SUPT3H: variants seen among roughly 807,000 people sequenced by gnomAD.
SUPT3H encodes transcription initiation protein SPT3 homolog.
SUPT3H carries 44 observed loss-of-function variants against 44.3 expected under a neutral mutation model. The ratio of observed to expected loss-of-function variants is 0.99; its 90% confidence interval spans 0.78 to 1.28. The LOEUF is 1.28. Ranked by LOEUF, SUPT3H falls within the 50% of genes most tolerant of loss-of-function variation. SUPT3H has a pLI of 0.00. For missense variants in SUPT3H, 380 were observed against 387.1 expected (o/e 0.98, Z 0.15); for synonymous variants, 124 against 125.6 (o/e 0.99, Z 0.09).
chr6:45,025,882 CAA>C (rs11299141), intron 3 of SUPT3H, among the ~76,000 whole-genome samples: 25,230 of 127,846 alleles, frequency 0.2, 2,237 homozygotes, highest in East Asian at 0.29. Context: ...GACTCCGTCT[CAA>C]AAAAAAAAAA....
intron 3 of SUPT3H, among the ~76,000 whole-genome samples, chr6:45,037,412 G>T (rs1787835370): frequency 6.6e-6 from 1 of 151,760 alleles, no homozygotes; most frequent in Non-Finnish European, 1.5e-5. Context: ...ACTTTGGGAG[G>T]CTGAGGCGGG....
chr6:45,314,172 C>T (rs911169461), intron 2 of SUPT3H, among the ~76,000 whole-genome samples: 3 of 152,092 alleles, frequency 2.0e-5, no homozygotes, highest in Non-Finnish European at 4.4e-5. Flanking sequence ...TATGACAAAA[C>T]CACAGCCAAC....
At chr6:44,955,852 G>T (rs1278445415) in intron 7 of SUPT3H, among the ~76,000 whole-genome samples, 1 of 152,118 alleles carries the variant, frequency 6.6e-6, no homozygotes, top group Non-Finnish European at 1.5e-5. Context: ...TGGGCGCGGT[G>T]GCTCACGCCT....
chr6:45,351,309 C>T (rs1232513481), intron 2 of SUPT3H, among the ~76,000 whole-genome samples: 1 of 152,042 alleles, frequency 6.6e-6, no homozygotes, highest in Non-Finnish European at 1.5e-5. Context: ...CCATCAAGAT[C>T]ACAACTTCCT....
At position 45,112,722 on chromosome 6, in the gene SUPT3H, TC is replaced by T; in HGVS notation, c.102-6717del. On this transcript the variant is annotated intron_variant, in intron 2 of 10. Coordinates refer to ENST00000371459, the MANE Select transcript of SUPT3H (RefSeq NM_003599.4). ...GCAAAGGGGATAAGTTTGGTGATGA[TC>T]TGTGGACAGCCTGCTGGGCCAGTCA... Among the ~76,000 whole-genome samples the T allele has an allele frequency of 2.6e-5, 4 of 152,336 alleles. No homozygotes were observed. In the South Asian group the frequency reaches 8.3e-4, roughly 32 times the overall value.
At chr6:44,906,644 C>G (rs549687288) in intron 10 of SUPT3H, among the ~76,000 whole-genome samples, 2 of 152,180 alleles carry the variant, frequency 1.3e-5, no homozygotes, top group South Asian at 4.2e-4. Flanking sequence ...CCCCTATAAT[C>G]CCAGTTACTT....
chr6:44,842,465 G>A (rs1006237573), intron 10 of SUPT3H, among the ~76,000 whole-genome samples: 1 of 152,084 alleles, frequency 6.6e-6, no homozygotes, highest in South Asian at 2.1e-4. Context: ...CAGGTAAGTG[G>A]TATCAGTGTC....
At chr6:45,013,667 G>A (rs1475943756) in intron 5 of SUPT3H, among the ~76,000 whole-genome samples, 3 of 152,058 alleles carry the variant, frequency 2.0e-5, no homozygotes, top group African/African-American at 7.2e-5. Context: ...ATGAGCTGAG[G>A]TTAAGTGAGA....
chr6:45,022,092 T>C (rs1033883981), intron 3 of SUPT3H, among the ~76,000 whole-genome samples: 7 of 151,996 alleles, frequency 4.6e-5, no homozygotes, highest in Non-Finnish European at 1.0e-4. Context: ...ATACAGGCAA[T>C]CAGTGTTGAG....
In SUPT3H at chr6:45,036,030, C is replaced by T. The variant is rs1384483046; in HGVS notation, c.187-15398G>A. Reference sequence around the variant, plus strand: ...CTAGGCACAATGGATGAAAAGAGACCATACCAAGTCACATTCACTATTCAT... The same window carrying T: ...CTAGGCACAATGGATGAAAAGAGACTATACCAAGTCACATTCACTATTCAT... On this transcript the variant is annotated intron_variant, in intron 3 of 10. Coordinates refer to ENST00000371459, the MANE Select transcript of SUPT3H (RefSeq NM_003599.4). Among the ~76,000 whole-genome samples, 3 of 151,938 alleles carry T rather than the reference C, an allele frequency of 2.0e-5. 1 individual carries two copies. The highest frequency in any genetic ancestry group is 4.1e-4 in the South Asian group (2 of 4,830).
intron 1 of SUPT3H, among the ~76,000 whole-genome samples, chr6:45,370,503 A>G (rs1447391915): frequency 6.6e-6 from 1 of 152,184 alleles, no homozygotes; most frequent in Non-Finnish European, 1.5e-5. Context: ...AAAGCAGAAA[A>G]CTGAAATAAA....
intron 10 of SUPT3H, among the ~76,000 whole-genome samples, chr6:44,851,992 T>C (rs1772972743): frequency 6.6e-6 from 1 of 152,180 alleles, no homozygotes; most frequent in African/African-American, 2.4e-5. Flanking sequence ...CCATTGGCGT[T>C]TCCTACAAAT....
intron 10 of SUPT3H, among the ~76,000 whole-genome samples, chr6:44,911,033 A>G (rs946837701): frequency 4.4e-5 from 6 of 137,918 alleles, no homozygotes; most frequent in Non-Finnish European, 9.4e-5. Context: ...AGCTTCTTTT[A>G]TAAATGAAAT....
intron 2 of SUPT3H, among the ~76,000 whole-genome samples, chr6:45,217,546 T>A (rs1765289727): frequency 6.6e-6 from 1 of 152,046 alleles, no homozygotes; most frequent in South Asian, 2.1e-4. Flanking sequence ...CATGTATGTA[T>A]ACCCTAAGCA....
Position 45,020,463 on chromosome 6 carries a change from C to T in SUPT3H, c.273+83G>A, listed in dbSNP as rs1436464961. ...AGTTATTATTTTAATTTGAAAGGTA[C>T]ATAACAAGGATATATAGTTTCCACA... On this transcript the variant is annotated intron_variant, in intron 4 of 10. Coordinates refer to ENST00000371459, the MANE Select transcript of SUPT3H (RefSeq NM_003599.4). 17 of 992,774 alleles carry T rather than the reference C, an allele frequency of 1.7e-5. No homozygotes were observed. The Admixed American group carries it at 3.3e-4, about 19-fold the overall frequency. The allele number at this position is 992,774 out of a possible 1,614,324, so 61.5% of individuals were successfully genotyped here.
At chr6:45,313,182 A>G (rs1784216121) in intron 2 of SUPT3H, among the ~76,000 whole-genome samples, 1 of 152,212 alleles carries the variant, frequency 6.6e-6, no homozygotes, top group Non-Finnish European at 1.5e-5. Flanking sequence ...CTACATCAAA[A>G]AGGTTGAAAG....
chr6:45,346,385 G>A lies in SUPT3H; in HGVS notation c.101+18816C>T, dbSNP rs767465959. ...AGGGTGAGAGGGTAGCTAGAACCTCGCATGCCCTCCTGAGCAGCCCCACAG... is the reference window on the plus strand; with the variant it reads ...AGGGTGAGAGGGTAGCTAGAACCTCACATGCCCTCCTGAGCAGCCCCACAG... On this transcript the variant is annotated intron_variant, in intron 2 of 10. Transcript: ENST00000371459. 1.8e-4 allele frequency among the ~76,000 whole-genome samples: 27 copies of A among 152,022 alleles called. 1 individual carries two copies. The highest frequency in any genetic ancestry group is 3.7e-4 in the Non-Finnish European group (25 of 67,986).
intron 2 of SUPT3H, among the ~76,000 whole-genome samples, chr6:45,330,103 T>C (rs993801890): frequency 6.6e-6 from 1 of 151,856 alleles, no homozygotes; most frequent in African/African-American, 2.4e-5. Context: ...TGAGGAAATG[T>C]ACTTTGTATT....
At chr6:44,842,233 T>G (rs1391651990) in intron 10 of SUPT3H, among the ~76,000 whole-genome samples, 2 of 152,152 alleles carry the variant, frequency 1.3e-5, no homozygotes, top group Non-Finnish European at 2.9e-5. Context: ...CTCTGTGAAA[T>G]GCACATGGTA....
Sources: allele counts gnomAD v4.1 joint callset (sites outside exome capture counted in the v4.1 genomes callset), GRCh38; gene constraint gnomAD v4.1.1; transcripts MANE v1.5; gene names NCBI Gene and HGNC (gene_info 2026-07-23, HGNC 2026-07-21).